The following STK11IP variants were observed in gnomAD, a reference collection of about 807,000 sequenced individuals.
STK11IP encodes the protein serine/threonine-protein kinase 11-interacting protein.
STK11IP carries 103 observed loss-of-function variants against 131.7 expected under a neutral mutation model. The observed-to-expected ratio is 0.78, with a 90% CI of 0.67 to 0.92. The LOEUF (loss-of-function observed/expected upper bound fraction) is 0.92. STK11IP is among the 40% of genes least tolerant of loss of function. The probability of loss-of-function intolerance (pLI) is 0.00; values close to 1 mark genes in which losing one functional copy is unlikely to be tolerated. For synonymous variants in STK11IP, 557 were observed against 575.6 expected (o/e 0.97, Z 0.46); for missense variants, 1,315 against 1,385.7 (o/e 0.95, Z 0.81).
In STK11IP at chr2:219,602,475, T is replaced by C; in HGVS notation, c.446T>C (p.Leu149Pro). 1 of 1,613,646 alleles carries C rather than the reference T, an allele frequency of 6.2e-7. No homozygotes were observed. The highest frequency in any genetic ancestry group is 8.5e-7 in the Non-Finnish European group (1 of 1,179,730). ...SRSLQALEELLSACGGDFCSA... is the reference protein window; with the variant it reads ...SRSLQALEELPSACGGDFCSA... ...ACCCATCTGTCTGCTCAGGAGCTCC[T>C]CTCAGCCTGCGGCGGCGACTTCTGC... Residue 149 changes from leucine to proline, a missense_variant, in exon 6 of 25, where the codon CTC (leucine) becomes CCC (proline). Leu to Pro is a moderately conservative substitution (Grantham distance 98). Coordinates refer to ENST00000456909, the MANE Select transcript of STK11IP (RefSeq NM_052902.4).
chr2:219,605,374 A>T (rs188771686), intron 7 of STK11IP: 2 of 437,734 alleles, frequency 4.6e-6, no homozygotes, highest in African/African-American at 2.0e-5. Context: ...CCCAGGCAGG[A>T]ATTTAAGGGG....
At chr2:219,610,892 G>A (rs1000898724) in intron 17 of STK11IP, among the ~76,000 whole-genome samples, 1 of 152,214 alleles carries the variant, frequency 6.6e-6, no homozygotes, top group Non-Finnish European at 1.5e-5. Context: ...GGCAGCATGT[G>A]TAAATGATTT....
chr2:219,598,376 C>T, intron 2 of STK11IP, 196 bp downstream of exon 2: 2 of 492,424 alleles, frequency 4.1e-6, no homozygotes, highest in Non-Finnish European at 7.1e-6. Context: ...CTCTAGCCGT[C>T]CTTTGAGGCC....
At chr2:219,611,083 T>A (rs1574627954) in intron 17 of STK11IP, among the ~76,000 whole-genome samples, 1 of 152,136 alleles carries the variant, frequency 6.6e-6, no homozygotes, top group Non-Finnish European at 1.5e-5. Flanking sequence ...AGGATGAGTA[T>A]AAGATAGATG....
chr2:219,608,231 A>G lies in STK11IP; in HGVS notation c.1404A>G (p.Arg468=). The change falls in exon 14 of 25, where the codon AGA becomes AGG. Residue 468 remains arginine, a synonymous_variant. Transcript: ENST00000456909. ...CCCAGGGCCCCGACACTGCACCCAG[A>G]CCTTCACCCCCGCAGGAGGAAGCCA... is the stretch of plus-strand genomic sequence containing the variant. ...ASSQGPDTAP[R]PSPPQEEARG... 6.2e-7 allele frequency: 1 copy of G among 1,613,548 alleles called. No individual in the cohort carries two copies. The highest frequency in any genetic ancestry group is 8.5e-7 in the Non-Finnish European group (1 of 1,179,852).
chr2:219,609,455 A>G lies in STK11IP; in HGVS notation c.2019A>G (p.Leu673=), dbSNP rs906657664. Residue 673 remains leucine (L), a synonymous_variant, in exon 17 of 25, where the codon CTA becomes CTG. Transcript: ENST00000456909. ...TCCTGCTGGGTAGATTCCAGTGTCT[A>G]CGCTGTGGCCATGAGTTCAAGCCAG... ...RDLLLGRFQC[L]RCGHEFKPEE... The G allele has an allele frequency of 1.9e-6, 3 of 1,611,296 alleles. No homozygotes were observed. Among genetic ancestry groups the G allele is most frequent in the East Asian group, 4.5e-5 (2 of 44,842 alleles).
At chr2:219,614,448 C>G (rs772388162) in intron 22 of STK11IP, 28 bp from the exon 23 acceptor site, 1 of 1,611,706 alleles carries the variant, frequency 6.2e-7, no homozygotes, top group East Asian at 2.2e-5. Context: ...GCTAGCTGAT[C>G]TTCCTGTGCC....
Position 219,614,551 on chromosome 2 carries a change from A to G in STK11IP, c.2869+5A>G. 6.2e-7 allele frequency: 1 copy of G among 1,613,766 alleles called. No individual in the cohort carries two copies. Among genetic ancestry groups the G allele is most frequent in the Non-Finnish European group, 8.5e-7 (1 of 1,179,850 alleles). On this transcript the variant is annotated splice_donor_5th_base_variant and intron_variant, in intron 23 of 24. Coordinates refer to ENST00000456909, the MANE Select transcript of STK11IP (RefSeq NM_052902.4). ...TTCGGGCGTTCCTGGTTGAAGGTGA[A>G]GCCTCTGTGCAGCTGATGCTTCCCT... is the stretch of plus-strand genomic sequence containing the variant.
In STK11IP at chr2:219,613,214, TGGGGAGATGCGGTGAGTGAGA is replaced by T. The variant is rs747650603; in HGVS notation, c.2537_2537+20del. 1.3e-6 allele frequency: 2 copies of T among 1,565,918 alleles called. No homozygotes were observed. The highest frequency in any genetic ancestry group is 1.7e-4 in the Middle Eastern group (1 of 5,810). Reference sequence around the variant, plus strand: ...GCAGGCTGTACCTGTTGAAGGTGACTGGGGAGATGCGGTGAGTGAGAGGGGAGATGCAGTGAGTAAGGGGGG... The same window carrying T: ...GCAGGCTGTACCTGTTGAAGGTGACTGGGGAGATGCAGTGAGTAAGGGGGG... On this transcript the variant is annotated splice_donor_variant and splice_donor_5th_base_variant and coding_sequence_variant and intron_variant, in exon 20 of 25. Transcript: ENST00000456909. LOFTEE classifies it high-confidence loss of function.
intron 2 of STK11IP, 137 bp downstream of exon 2, chr2:219,598,317 TC>T: frequency 1.5e-6 from 1 of 656,028 alleles, no homozygotes; most frequent in Non-Finnish European, 2.5e-6. Flanking sequence ...TCTTTACTTT[TC>T]CCAGGTTTGT....
chr2:219,597,968 G>C, intron 1 of STK11IP, 45 bp downstream of exon 1: 1 of 1,608,126 alleles, frequency 6.2e-7, no homozygotes, highest in Non-Finnish European at 8.5e-7. Context: ...GCGGCCAGGA[G>C]GATGCTCTTC....
intron 13 of STK11IP, among the ~76,000 whole-genome samples, 154 bp from the exon 14 acceptor site, chr2:219,607,893 T>G (rs1383533209): frequency 1.3e-5 from 2 of 152,148 alleles, no homozygotes; most frequent in African/African-American, 2.4e-5. Flanking sequence ...GGACACGCTT[T>G]AGTACATGCC....
chr2:219,605,492 A>G, intron 7 of STK11IP, 116 bp from the exon 8 acceptor site: 1 of 936,436 alleles, frequency 1.1e-6, no homozygotes, highest in Non-Finnish European at 1.6e-6. Context: ...ATTTGTGCTG[A>G]GTGTGTGCAG....
At chr2:219,606,673 G>C (rs917972919) in intron 11 of STK11IP, 39 bp from the exon 12 acceptor site, 1 of 1,595,650 alleles carries the variant, frequency 6.3e-7, no homozygotes, top group Middle Eastern at 1.7e-4. Flanking sequence ...GGTGCTCCCA[G>C]GCTCCAACCT....
intron 17 of STK11IP, among the ~76,000 whole-genome samples, chr2:219,610,635 C>T (rs879761467): frequency 2.6e-4 from 39 of 152,150 alleles, no homozygotes; most frequent in African/African-American, 9.4e-4. Flanking sequence ...CTCCTGACCT[C>T]GGATCTGCCC....
At position 219,606,014 on chromosome 2, in the gene STK11IP, A is replaced by T. The variant is rs769930875; in HGVS notation, c.804A>T (p.Gly268=). 1 of 1,609,386 alleles carries T rather than the reference A, an allele frequency of 6.2e-7. No homozygotes were observed. Among genetic ancestry groups the T allele is most frequent in the East Asian group, 2.2e-5 (1 of 44,778 alleles). Residue 268 remains glycine (G), a synonymous_variant, in exon 9 of 25, where the codon GGA becomes GGT. Transcript: ENST00000456909. ...ATTTGGCATACAACCTGCTGGAAGGACACCGGGAGCTGTCACCACTGTGGC... is the reference window on the plus strand; with the variant it reads ...ATTTGGCATACAACCTGCTGGAAGGTCACCGGGAGCTGTCACCACTGTGGC... ...HLDLAYNLLE[G]HRELSPLWLL...
rs1259873509 is a variant in STK11IP, at chr2:219,608,340, GAGGAGA to G, written c.1519_1524del (p.Lys507_Glu508del). 1 of 1,588,668 alleles carries G rather than the reference GAGGAGA, an allele frequency of 6.3e-7. No individual in the cohort carries two copies. Reference sequence around the variant, plus strand: ...GGAGGAAGAGGAGAAGGAGGGGAAGGAGGAGAAGGAGGAGGGGGAGATGGTGGAACA... The same window carrying G: ...GGAGGAAGAGGAGAAGGAGGGGAAGGAGGAGGAGGGGGAGATGGTGGAACA... On this transcript the variant is annotated inframe_deletion, in exon 14 of 25. Coordinates refer to ENST00000456909, the MANE Select transcript of STK11IP (RefSeq NM_052902.4).
At chr2:219,597,993 T>G in intron 1 of STK11IP, 70 bp downstream of exon 1, 1 of 1,595,134 alleles carries the variant, frequency 6.3e-7, no homozygotes, top group Non-Finnish European at 8.5e-7. Context: ...CTTTTCTTTC[T>G]CGCCTTTTTC....
rs777767547 is a variant in STK11IP at position 219,616,030 on chromosome 2, G to C, written c.3118-14G>C. The C allele has an allele frequency of 1.2e-6, 2 of 1,612,514 alleles. No homozygotes were observed. Among genetic ancestry groups the C allele is most frequent in the Non-Finnish European group, 1.7e-6 (2 of 1,179,068 alleles). ...CCCCATGAGCCTCGCCTTGCTAACT[G>C]CTCGGTCTGCCAGGTGTCCCGGCTG... is the stretch of plus-strand genomic sequence containing the variant. On this transcript the variant is annotated splice_polypyrimidine_tract_variant and intron_variant, in intron 24 of 24. Transcript: ENST00000456909.
Sources: allele counts gnomAD v4.1 joint callset (sites outside exome capture counted in the v4.1 genomes callset), GRCh38; gene constraint gnomAD v4.1.1; transcripts MANE v1.5; gene names NCBI Gene and HGNC (gene_info 2026-07-23, HGNC 2026-07-21).